Variants in PLA2R1 observed in about 807,000 individuals in gnomAD.
PLA2R1 encodes phospholipase A2 receptor 1.
A neutral mutation model predicts 195.9 loss-of-function variants in PLA2R1; 158 were observed. The ratio of observed to expected loss-of-function variants is 0.81; its 90% confidence interval spans 0.71 to 0.92. PLA2R1 has a LOEUF of 0.92. Ranked by LOEUF, PLA2R1 falls within the 40% of genes least tolerant of loss-of-function variation. The probability of loss-of-function intolerance (pLI) is 0.00; values close to 1 mark genes in which losing one functional copy is unlikely to be tolerated. For synonymous variants in PLA2R1, 586 were observed against 598.2 expected, an observed-to-expected ratio of 0.98 and a Z score of 0.30; for missense variants, 1,626 against 1,764.6, an observed-to-expected ratio of 0.92 and a Z score of 1.41.
intron 7 of PLA2R1, among the ~76,000 whole-genome samples, chr2:160,021,306 T>C (rs766704562): frequency 7.2e-5 from 11 of 152,056 alleles, no homozygotes; most frequent in Admixed American, 1.3e-4. Flanking sequence ...AATCATTATA[T>C]CAAAAAGACA....
In PLA2R1 at chr2:159,939,142, T is replaced by C. The variant is rs1322053493; in HGVS notation, c.*2636A>G. On this transcript the variant is annotated 3_prime_UTR_variant, in exon 30 of 30. Transcript: ENST00000283243. ...TCTGGTGTAACCATCACGCAAATAG[T>C]GTATAATATACCCATTACCTGCTAC... The C allele has an allele frequency of 2.0e-5, 3 of 152,206 alleles. No homozygotes were observed. Among genetic ancestry groups the C allele is most frequent in the African/African-American group, 7.2e-5 (3 of 41,448 alleles). 9.4% of individuals were successfully genotyped at this position (152,206 alleles called of 1,614,324 possible).
intron 11 of PLA2R1, among the ~76,000 whole-genome samples, chr2:160,004,895 G>C (rs536268118): frequency 2.3e-4 from 35 of 152,254 alleles, no homozygotes; most frequent in Admixed American, 7.8e-4. Context: ...AGCTGTTAAC[G>C]CTGGAATCCT....
intron 1 of PLA2R1, among the ~76,000 whole-genome samples, chr2:160,050,957 G>A (rs1004352271): frequency 6.6e-6 from 1 of 152,138 alleles, no homozygotes. Context: ...GTTCCCTTTA[G>A]CTTTAGACAG....
chr2:159,991,060 T>C (rs753705478), intron 11 of PLA2R1, among the ~76,000 whole-genome samples: 2 of 152,164 alleles, frequency 1.3e-5, no homozygotes, highest in African/African-American at 2.4e-5. Flanking sequence ...ACCAGATGTA[T>C]TTGGGTCTGT....
intron 4 of PLA2R1, among the ~76,000 whole-genome samples, chr2:160,030,431 T>G (rs1047524200): frequency 6.6e-6 from 1 of 152,238 alleles, no homozygotes; most frequent in Non-Finnish European, 1.5e-5. Flanking sequence ...GGGAGAAATT[T>G]TCACGTTTCA....
intron 7 of PLA2R1, among the ~76,000 whole-genome samples, chr2:160,020,952 G>C (rs1399385118): frequency 6.6e-6 from 1 of 152,072 alleles, no homozygotes. Flanking sequence ...TGGATTCCTG[G>C]GGCTCTGGTT....
At chr2:159,980,909 T>G (rs1055018301) in intron 13 of PLA2R1, among the ~76,000 whole-genome samples, 2 of 152,210 alleles carry the variant, frequency 1.3e-5, no homozygotes, top group Admixed American at 6.5e-5. Flanking sequence ...CAAATTCAGC[T>G]TAGAAATCCA....
chr2:160,049,365 G>A (rs1292617101), intron 1 of PLA2R1, among the ~76,000 whole-genome samples: 1 of 152,102 alleles, frequency 6.6e-6, no homozygotes, highest in African/African-American at 2.4e-5. Flanking sequence ...ACTGCATATG[G>A]AACATTCATT....
At chr2:160,044,055 G>A (rs977514884) in intron 2 of PLA2R1, among the ~76,000 whole-genome samples, 5 of 152,168 alleles carry the variant, frequency 3.3e-5, no homozygotes, top group Non-Finnish European at 7.3e-5. Context: ...ATGGATGGAT[G>A]GATAGATAGA....
Position 160,040,303 on chromosome 2 carries a change from C to T in PLA2R1, c.667+1722G>A, listed in dbSNP as rs535765111. Among the ~76,000 whole-genome samples, 5 of 151,820 alleles carry T rather than the reference C, an allele frequency of 3.3e-5. No homozygotes were observed. In the South Asian group the frequency reaches 1.0e-3, roughly 31 times the overall value. On this transcript the variant is annotated intron_variant, in intron 3 of 29. Transcript: ENST00000283243. ...TACCCAGGCTTCCCTGCACCCCACCCCCACATTGTAGCAGCTAAGGGGTTA... is the reference window on the plus strand; with the variant it reads ...TACCCAGGCTTCCCTGCACCCCACCTCCACATTGTAGCAGCTAAGGGGTTA...
chr2:159,955,866 A>G (rs373485585), intron 21 of PLA2R1, 38 bp from the exon 22 acceptor site: 37 of 1,441,318 alleles, frequency 2.6e-5, no homozygotes, highest in Non-Finnish European at 6.7e-6. Context: ...TTAATACTGT[A>G]GAAAGCATTT....
intron 1 of PLA2R1, among the ~76,000 whole-genome samples, chr2:160,056,618 AC>A (rs1695565416): frequency 6.6e-6 from 1 of 151,962 alleles, no homozygotes; most frequent in African/African-American, 2.4e-5. Context: ...CTCTTTTTAA[AC>A]CCTGTTTCTT....
intron 17 of PLA2R1, among the ~76,000 whole-genome samples, chr2:159,972,588 T>G (rs143754009): frequency 2.0e-4 from 30 of 152,288 alleles, no homozygotes; most frequent in African/African-American, 7.0e-4. Context: ...GGATGACAAA[T>G]GATATTTTGG....
intron 23 of PLA2R1, among the ~76,000 whole-genome samples, chr2:159,954,852 A>C (rs926459646): frequency 4.6e-5 from 7 of 152,138 alleles, no homozygotes; most frequent in African/African-American, 1.7e-4. Flanking sequence ...GAGTTGGTTT[A>C]TTTCCTTGAT....
chr2:159,969,374 A>C lies in PLA2R1; in HGVS notation c.2661-15T>G, dbSNP rs1317128546. 3.5e-6 allele frequency: 5 copies of C among 1,437,728 alleles called. No homozygotes were observed. Among genetic ancestry groups the C allele is most frequent in the Non-Finnish European group, 4.9e-6 (5 of 1,021,636 alleles). The allele number at this position is 1,437,728 out of a possible 1,614,324, so 89.1% of individuals were successfully genotyped here. A position where few individuals can be genotyped will look rare whatever the true frequency, so the allele number is the denominator to read the frequency against. ...CATCTCTCCAGCTGTGGGAAGATTA[A>C]AAATGTTAAGGTCTTCTCTCATTCT... On this transcript the variant is annotated splice_polypyrimidine_tract_variant and intron_variant, in intron 18 of 29. Transcript: ENST00000283243.
chr2:160,029,536 C>A (rs915135470), intron 4 of PLA2R1, among the ~76,000 whole-genome samples: 2 of 152,142 alleles, frequency 1.3e-5, no homozygotes, highest in African/African-American at 4.8e-5. Flanking sequence ...AGTTTAATGG[C>A]AGGCTGGCTC....
At chr2:160,006,585 C>A (rs2105400949) in intron 10 of PLA2R1, among the ~76,000 whole-genome samples, 1 of 152,102 alleles carries the variant, frequency 6.6e-6, no homozygotes, top group Non-Finnish European at 1.5e-5. Flanking sequence ...TCCACATGCA[C>A]ACCTACTAAG....
Position 159,935,757 on chromosome 2 carries a change from C to A in PLA2R1, c.*6021G>T, listed in dbSNP as rs1200934321. The A allele has an allele frequency of 1.3e-5, 2 of 152,020 alleles. No homozygotes were observed. The highest frequency in any genetic ancestry group is 2.9e-5 in the Non-Finnish European group (2 of 67,990). The allele number at this position is 152,020 out of a possible 1,614,324, so 9.4% of individuals were successfully genotyped here. On this transcript the variant is annotated 3_prime_UTR_variant, in exon 30 of 30. Coordinates refer to ENST00000283243, the MANE Select transcript of PLA2R1 (RefSeq NM_007366.5). ...TGGAGATACTACAACAATTTGAATT[C>A]TATCATAATCTATTTAAAAATAGAA...
intron 12 of PLA2R1, among the ~76,000 whole-genome samples, chr2:159,986,679 C>G (rs915618875): frequency 2.0e-5 from 3 of 151,916 alleles, no homozygotes; most frequent in African/African-American, 4.8e-5. Flanking sequence ...CTCTGCCTCC[C>G]GGGTTCGAGC....
Sources: gnomAD v4.1 joint callset for allele counts (sites outside exome capture counted in the v4.1 genomes callset) on GRCh38, gnomAD v4.1.1 for gene constraint, MANE v1.5 for transcripts, NCBI Gene and HGNC (gene_info 2026-07-23, HGNC 2026-07-21) for gene names.